Variants in GALNT13 observed in about 807,000 individuals in gnomAD.
GALNT13 encodes the protein UDP-GalNAc:polypeptide N-acetylgalactosaminyltransferase 13.
GALNT13 carries 28 observed loss-of-function variants against 64.2 expected under a neutral mutation model. The ratio of observed to expected loss-of-function variants is 0.44; its 90% CI spans 0.32 to 0.60. GALNT13 has a LOEUF of 0.60. Among genes scored for constraint, GALNT13 ranks in the 20% least tolerant of loss-of-function variants. The pLI, the probability that GALNT13 is intolerant of heterozygous loss-of-function variation, is 0.05. For synonymous variants in GALNT13, 214 were observed against 224.6 expected (o/e 0.95, Z 0.42); for missense variants, 577 against 669.8 (o/e 0.86, Z 1.53).
chr2:153,851,891 CAA>C, the GALNT13 span, among the ~76,000 whole-genome samples: 1 of 151,988 alleles, frequency 6.6e-6, no homozygotes, highest in Non-Finnish European at 1.5e-5. Context: ...AAATGTATGA[CAA>C]GACTAGTACA....
the GALNT13 span, among the ~76,000 whole-genome samples, chr2:153,346,415 G>A: frequency 6.6e-6 from 1 of 152,130 alleles, no homozygotes; most frequent in Admixed American, 6.5e-5. Flanking sequence ...AGTGGTCATT[G>A]TAACCAAGGG....
intron 9 of GALNT13, among the ~76,000 whole-genome samples, chr2:154,369,102 G>GAA (rs34087704): frequency 6.6e-6 from 1 of 151,276 alleles, no homozygotes; most frequent in Non-Finnish European, 1.5e-5. Context: ...TACAATTCTG[G>GAA]AAAAAAAATG....
At chr2:154,026,313 C>T (rs781303449) in intron 3 of GALNT13, among the ~76,000 whole-genome samples, 5 of 152,084 alleles carry the variant, frequency 3.3e-5, no homozygotes, top group African/African-American at 4.8e-5. Flanking sequence ...AAATTGCTCT[C>T]AGTCTTCTGG....
At chr2:153,852,639 T>C in the GALNT13 span, among the ~76,000 whole-genome samples, 4 of 152,214 alleles carry the variant, frequency 2.6e-5, no homozygotes, top group Non-Finnish European at 5.9e-5. Flanking sequence ...TGAAGAACAC[T>C]ATCAAGCAAG....
chr2:153,172,111 A>C, the GALNT13 span: 1 of 152,252 alleles, frequency 6.6e-6, no homozygotes, highest in Non-Finnish European at 1.5e-5. Flanking sequence ...GAAGTCCTAG[A>C]GGAGAGACAA....
chr2:154,284,520 T>TACACACACACACACACACACAC (rs372990123), intron 8 of GALNT13, among the ~76,000 whole-genome samples: 1 of 145,854 alleles, frequency 6.9e-6, no homozygotes, highest in Non-Finnish European at 1.5e-5. Context: ...TACATATAGC[T>TACACACACACACACACACACAC]ACACACACAC....
At chr2:154,437,488 G>A (rs1183444911) in intron 11 of GALNT13, 8 of 1,216,328 alleles carry the variant, frequency 6.6e-6, no homozygotes, top group Non-Finnish European at 7.4e-6. Context: ...CAAGGAGAAA[G>A]AAAAACCCAC....
the GALNT13 span, among the ~76,000 whole-genome samples, chr2:153,493,264 G>A: frequency 4.3e-4 from 66 of 152,026 alleles, no homozygotes; most frequent in African/African-American, 1.5e-3. Flanking sequence ...TAAGCACCAA[G>A]CAAAGATGAT....
chr2:153,932,747 C>T (rs900405770), intron 2 of GALNT13, among the ~76,000 whole-genome samples: 4 of 151,452 alleles, frequency 2.6e-5, no homozygotes, highest in Non-Finnish European at 4.4e-5. Flanking sequence ...CCTGCCTTAG[C>T]CTTCCCAGTA....
chr2:153,092,311 T>A, the GALNT13 span, among the ~76,000 whole-genome samples: 1 of 152,216 alleles, frequency 6.6e-6, no homozygotes, highest in Non-Finnish European at 1.5e-5. Context: ...TAGGATAGCC[T>A]TGACTATTCT....
At chr2:153,839,610 A>G in the GALNT13 span, among the ~76,000 whole-genome samples, 1 of 152,000 alleles carries the variant, frequency 6.6e-6, no homozygotes, top group Middle Eastern at 3.4e-3. Flanking sequence ...ATTATGAATT[A>G]TGTAAAGTTT....
At chr2:153,266,854 G>T in the GALNT13 span, among the ~76,000 whole-genome samples, 1 of 152,146 alleles carries the variant, frequency 6.6e-6, no homozygotes, top group African/African-American at 2.4e-5. Flanking sequence ...CTTCCCAACA[G>T]TCCCCCACGT....
the GALNT13 span, among the ~76,000 whole-genome samples, chr2:153,774,407 A>G: frequency 6.6e-6 from 1 of 152,170 alleles, no homozygotes; most frequent in Non-Finnish European, 1.5e-5. Context: ...CATTGCAATT[A>G]TGAAAAAAGT....
chr2:153,779,783 G>A, the GALNT13 span, among the ~76,000 whole-genome samples: 2,450 of 152,104 alleles, frequency 0.016, 72 homozygotes, highest in East Asian at 0.13. Context: ...ATAGCTAAAC[G>A]GGTTCCAATT....
intron 9 of GALNT13, among the ~76,000 whole-genome samples, chr2:154,331,137 A>G (rs1695145132): frequency 6.6e-6 from 1 of 152,098 alleles, no homozygotes; most frequent in East Asian, 1.9e-4. Flanking sequence ...TTAAAATGCT[A>G]TGCAAAATAA....
the GALNT13 span, among the ~76,000 whole-genome samples, chr2:153,845,513 T>C: frequency 6.6e-6 from 1 of 152,190 alleles, no homozygotes. Flanking sequence ...GCCCAAGCCA[T>C]TCATGAGGGA....
chr2:154,161,841 A>G (rs1163806386), intron 4 of GALNT13, among the ~76,000 whole-genome samples: 1 of 150,964 alleles, frequency 6.6e-6, no homozygotes, highest in African/African-American at 2.4e-5. Flanking sequence ...AGTACAGTGG[A>G]GCGATCTCAG....
chr2:153,600,090 A>C, the GALNT13 span, among the ~76,000 whole-genome samples: 99 of 152,080 alleles, frequency 6.5e-4, no homozygotes, highest in African/African-American at 2.3e-3. Flanking sequence ...AAATATATTT[A>C]CCTTTCAGCT....
At chr2:153,815,207 A>G in the GALNT13 span, among the ~76,000 whole-genome samples, 2 of 152,078 alleles carry the variant, frequency 1.3e-5, no homozygotes, top group African/African-American at 2.4e-5. Flanking sequence ...TTACTTGGAG[A>G]GATGATGTTA....
Sources: allele counts gnomAD v4.1 joint callset (sites outside exome capture counted in the v4.1 genomes callset), GRCh38; gene constraint gnomAD v4.1.1; transcripts MANE v1.5; gene names NCBI Gene and HGNC (gene_info 2026-07-23, HGNC 2026-07-21).